The following DTNA variants were observed in gnomAD, a reference collection of about 807,000 sequenced individuals.
DTNA encodes dystrophin-related protein 3.
In DTNA, 43 loss-of-function variants were observed where a neutral mutation model predicts 100.7. The ratio of observed to expected loss-of-function variants is 0.43; its 90% confidence interval spans 0.33 to 0.55. DTNA has a LOEUF of 0.55. Among genes scored for constraint, DTNA ranks in the 20% least tolerant of loss-of-function variants. The pLI, the probability that DTNA is intolerant of heterozygous loss-of-function variation, is 0.04. For synonymous variants in DTNA, 349 were observed against 347.9 expected (o/e 1.00, Z -0.04); for missense variants, 798 against 953.9 (o/e 0.84, Z 2.15).
chr18:34,888,739 T>C lies in DTNA; in HGVS notation c.*1005T>C. 1 of 985,908 alleles carries C rather than the reference T, an allele frequency of 1.0e-6. No individual in the cohort carries two copies. The highest frequency in any genetic ancestry group is 1.2e-6 in the Non-Finnish European group (1 of 829,950). 61.1% of individuals were successfully genotyped at this position (985,908 alleles called of 1,614,324 possible). A position where few individuals can be genotyped will look rare whatever the true frequency, so the allele number is the denominator to read the frequency against. On this transcript the variant is annotated 3_prime_UTR_variant, in exon 23 of 23. Coordinates refer to ENST00000444659, the MANE Select transcript of DTNA (RefSeq NM_001386795.1). ...CTTCCATGGTCTTGTTCCTCTCGTT[T>C]TGGCTTTAGGAAGCATGTCTTTAAC...
At chr18:34,812,220 A>G in intron 6 of DTNA, 107 bp downstream of exon 6, 1 of 1,487,586 alleles carries the variant, frequency 6.7e-7, no homozygotes, top group Non-Finnish European at 9.2e-7. Flanking sequence ...TCTGTGTGAT[A>G]GCAACCTGTA....
At chr18:34,665,076 T>C (rs2075721562) in intron 1 of DTNA, among the ~76,000 whole-genome samples, 2 of 151,832 alleles carry the variant, frequency 1.3e-5, no homozygotes, top group African/African-American at 4.8e-5. Flanking sequence ...TCCTAAGGCA[T>C]ATGTCATATG....
At chr18:34,877,922 C>A in intron 19 of DTNA, 114 bp downstream of exon 19, 2 of 968,306 alleles carry the variant, frequency 2.1e-6, no homozygotes, top group Non-Finnish European at 3.2e-6. Context: ...CTTTAAAGCT[C>A]TATGTGATAT....
At chr18:34,781,702 GAATA>G (rs569759511) in intron 3 of DTNA, among the ~76,000 whole-genome samples, 2 of 152,000 alleles carry the variant, frequency 1.3e-5, no homozygotes, top group Non-Finnish European at 2.9e-5. Context: ...ATGAATGAAT[GAATA>G]AATAAATAAA....
In DTNA at chr18:34,673,346, C is replaced by T. The variant is rs138094689; in HGVS notation, c.-1-82630C>T. 2.4e-4 allele frequency among the ~76,000 whole-genome samples: 36 copies of T among 152,118 alleles called. No individual in the cohort carries two copies. In the East Asian group the frequency reaches 6.6e-3, roughly 28 times the overall value. The stretch of plus-strand genomic sequence containing the variant: ...TAATCACTGGGGTTTTGTCATGTTG[C>T]CCAGGCTGGTCCCGAACTCCTGGGT... On this transcript the variant is annotated intron_variant, in intron 1 of 19. Transcript: ENST00000283365.
intron 20 of DTNA, among the ~76,000 whole-genome samples, chr18:34,880,375 G>C (rs915267598): frequency 1.3e-5 from 2 of 152,146 alleles, no homozygotes; most frequent in African/African-American, 2.4e-5. Flanking sequence ...CCAAAGCTGA[G>C]AAACAAAGGC....
chr18:34,860,220 GTTTTTTTTTTTTTTTT>G (rs55673388), intron 16 of DTNA, among the ~76,000 whole-genome samples: 1 of 80,254 alleles, frequency 1.2e-5, no homozygotes, highest in Non-Finnish European at 2.4e-5. Flanking sequence ...CTAATTTTTT[GTTTTTTTTTTTTTTTT>G]TTTTTTTTTT....
intron 3 of DTNA, among the ~76,000 whole-genome samples, chr18:34,784,330 G>T (rs961849858): frequency 4.6e-5 from 7 of 152,196 alleles, no homozygotes; most frequent in Non-Finnish European, 7.3e-5. Context: ...TAAATGAATA[G>T]TTATAGACCC....
At chr18:34,751,035 A>G (rs909744548) in intron 1 of DTNA, among the ~76,000 whole-genome samples, 4 of 152,214 alleles carry the variant, frequency 2.6e-5, no homozygotes, top group South Asian at 2.1e-4. Flanking sequence ...AAAGAGTTGG[A>G]GCCATCCCTG....
At chr18:34,548,355 A>G (rs2145879776) in intron 1 of DTNA, among the ~76,000 whole-genome samples, 1 of 152,226 alleles carries the variant, frequency 6.6e-6, no homozygotes, top group East Asian at 1.9e-4. Context: ...GTCAATAGAA[A>G]GGTAAAGGTC....
At chr18:34,675,232 T>C (rs1463527691) in intron 1 of DTNA, among the ~76,000 whole-genome samples, 1 of 151,940 alleles carries the variant, frequency 6.6e-6, no homozygotes. Flanking sequence ...AGATGCCAGT[T>C]GCACGTACCC....
At chr18:34,576,422 A>G (rs2048118318) in intron 1 of DTNA, among the ~76,000 whole-genome samples, 1 of 152,094 alleles carries the variant, frequency 6.6e-6, no homozygotes, top group East Asian at 1.9e-4. Context: ...ACACAAATAA[A>G]TTGGTTTGTG....
intron 21 of DTNA, among the ~76,000 whole-genome samples, chr18:34,882,562 G>T (rs1237944316): frequency 6.6e-6 from 1 of 151,868 alleles, no homozygotes; most frequent in Non-Finnish European, 1.5e-5. Flanking sequence ...TAGAGAAGGG[G>T]CTTCACCATA....
At chr18:34,614,510 G>C (rs1250385288) in intron 1 of DTNA, among the ~76,000 whole-genome samples, 1 of 152,144 alleles carries the variant, frequency 6.6e-6, no homozygotes, top group East Asian at 1.9e-4. Flanking sequence ...ATGCTATTAA[G>C]GATATTTGTG....
chr18:34,698,326 A>C (rs890047372), intron 1 of DTNA, among the ~76,000 whole-genome samples: 1 of 152,186 alleles, frequency 6.6e-6, no homozygotes, highest in Admixed American at 6.5e-5. Flanking sequence ...CTTTGTAGGC[A>C]AAAAGTCTGA....
In DTNA at chr18:34,670,097, C is replaced by G. The variant is rs183419742; in HGVS notation, c.-1-85879C>G. Among the ~76,000 whole-genome samples, 40 of 152,274 alleles carry G rather than the reference C, an allele frequency of 2.6e-4. No homozygotes were observed. The East Asian group carries it at 5.2e-3, about 20-fold the overall frequency. On this transcript the variant is annotated intron_variant, in intron 1 of 19. Transcript: ENST00000283365. ...TGTAGATTTGGTCTTTTCACATAGT[C>G]CCATATTTCTTGGAGGCTTTGTTCA...
intron 3 of DTNA, among the ~76,000 whole-genome samples, chr18:34,777,253 T>C (rs780165632): frequency 5.9e-5 from 9 of 152,248 alleles, no homozygotes; most frequent in Non-Finnish European, 1.3e-4. Flanking sequence ...TGGAACATTA[T>C]AAGTGTTCAA....
At chr18:34,593,957 A>C (rs1189597843) in intron 1 of DTNA, among the ~76,000 whole-genome samples, 1 of 152,202 alleles carries the variant, frequency 6.6e-6, no homozygotes, top group Non-Finnish European at 1.5e-5. Flanking sequence ...GAGAAACAAA[A>C]AAAGGAAAAA....
chr18:34,668,884 G>A (rs1240743478), intron 1 of DTNA, among the ~76,000 whole-genome samples: 1 of 152,220 alleles, frequency 6.6e-6, no homozygotes, highest in Non-Finnish European at 1.5e-5. Flanking sequence ...GTGTGGTGCT[G>A]AGAAGAAGGT....
Sources: gnomAD v4.1 joint callset for allele counts (sites outside exome capture counted in the v4.1 genomes callset) on GRCh38, gnomAD v4.1.1 for gene constraint, MANE v1.5 for transcripts, NCBI Gene and HGNC (gene_info 2026-07-23, HGNC 2026-07-21) for gene names.